SVOP: variants seen among roughly 807,000 people sequenced by gnomAD.
SVOP encodes the protein SV2 related protein.
A neutral mutation model predicts 69.1 loss-of-function variants in SVOP; 17 were observed. The observed-to-expected ratio is 0.25, with a 90% CI of 0.17 to 0.37. SVOP has a LOEUF of 0.37. Among genes scored for constraint, SVOP ranks in the 10% least tolerant of loss-of-function variants. SVOP has a pLI of 1.00. For missense variants in SVOP, 435 were observed against 597.5 expected, an observed-to-expected ratio of 0.73 and a Z score of 2.84; for synonymous variants, 238 against 238.6, an observed-to-expected ratio of 1.00 and a Z score of 0.02.
intron 4 of SVOP, 81 bp from the exon 5 acceptor site, chr12:108,972,557 C>T (rs761054749): frequency 4.3e-5 from 59 of 1,378,356 alleles, no homozygotes; most frequent in African/African-American, 7.2e-5. Context: ...GAAGTGGTGA[C>T]GTCACCCTCT....
intron 1 of SVOP, among the ~76,000 whole-genome samples, chr12:109,002,567 A>G (rs1231098395): frequency 6.7e-6 from 1 of 149,486 alleles, no homozygotes; most frequent in Non-Finnish European, 1.5e-5. Context: ...CCAAATGTCC[A>G]ACAATGATAG....
At chr12:108,988,854 C>G (rs1020722021) in intron 1 of SVOP, among the ~76,000 whole-genome samples, 3 of 148,392 alleles carry the variant, frequency 2.0e-5, no homozygotes, top group African/African-American at 7.4e-5. Context: ...GTAACTGCAG[C>G]CTCCGCTTCC....
intron 6 of SVOP, among the ~76,000 whole-genome samples, chr12:108,949,914 C>T (rs2039945113): frequency 6.6e-6 from 1 of 152,212 alleles, no homozygotes; most frequent in African/African-American, 2.4e-5. Context: ...GTAGCCCTCA[C>T]TGGACAGTTC....
At chr12:109,002,978 AAAATAAAT>A (rs10538026) in intron 1 of SVOP, among the ~76,000 whole-genome samples, 1 of 140,986 alleles carries the variant, frequency 7.1e-6, no homozygotes, top group African/African-American at 2.6e-5. Context: ...TAAAAAATTA[AAAATAAAT>A]AAATAAATAA....
intron 1 of SVOP, among the ~76,000 whole-genome samples, chr12:108,995,921 T>C (rs2135614352): frequency 6.6e-6 from 1 of 150,434 alleles, no homozygotes; most frequent in South Asian, 2.1e-4. Context: ...AAAATGTCAA[T>C]GGTAAATTTT....
intron 11 of SVOP, among the ~76,000 whole-genome samples, chr12:108,925,505 G>C (rs1172935931): frequency 6.6e-6 from 1 of 152,026 alleles, no homozygotes; most frequent in Non-Finnish European, 1.5e-5. Flanking sequence ...TCAGTCAAAG[G>C]GATACTTTTT....
chr12:108,948,665 C>T (rs2137412929), intron 6 of SVOP, among the ~76,000 whole-genome samples: 1 of 152,234 alleles, frequency 6.6e-6, no homozygotes, highest in African/African-American at 2.4e-5. Flanking sequence ...AGGACAGATC[C>T]CCCTAAGTAG....
chr12:108,919,640 G>A (rs2039736554), intron 13 of SVOP, 35 bp downstream of exon 13: 2 of 1,536,298 alleles, frequency 1.3e-6, no homozygotes, highest in African/African-American at 2.7e-5. Flanking sequence ...CTCCACCTGT[G>A]CTCAAACTCA....
chr12:108,933,952 C>T (rs1321609419), intron 11 of SVOP, among the ~76,000 whole-genome samples: 4 of 152,150 alleles, frequency 2.6e-5, no homozygotes, highest in Non-Finnish European at 5.9e-5. Context: ...CTTTAATGTG[C>T]CTTGGTTTAT....
chr12:108,945,434 GT>G lies in SVOP; in HGVS notation c.579-269del, dbSNP rs2039916869. Among the ~76,000 whole-genome samples the G allele has an allele frequency of 3.9e-5, 6 of 152,174 alleles. No individual in the cohort carries two copies. The South Asian group carries it at 1.2e-3, about 32-fold the overall frequency. ...TTTATTTATTTATGAGTCTCAGTCT[GT>G]CACCCAGGCTGAAGTGCAATCATAG... On this transcript the variant is annotated intron_variant, in intron 6 of 15. Transcript: ENST00000610966.
intron 15 of SVOP, among the ~76,000 whole-genome samples, chr12:108,915,349 C>G (rs1342804490): frequency 6.6e-6 from 1 of 152,046 alleles, no homozygotes; most frequent in Admixed American, 6.5e-5. Flanking sequence ...CCTTCCTTCC[C>G]AGTCGAGTGG....
chr12:108,960,879 G>A (rs1381411839), intron 6 of SVOP, 44 bp downstream of exon 6: 2 of 1,530,956 alleles, frequency 1.3e-6, no homozygotes, highest in Non-Finnish European at 1.7e-6. Context: ...CAGACACGTG[G>A]ATGGGCAGCC....
At chr12:108,990,230 G>A (rs1479493552) in intron 1 of SVOP, among the ~76,000 whole-genome samples, 1 of 152,174 alleles carries the variant, frequency 6.6e-6, no homozygotes, top group South Asian at 2.1e-4. Flanking sequence ...TCTGGAGCAG[G>A]AATCAAAAGG....
In SVOP at chr12:108,963,637, C is replaced by T. The variant is rs549256029; in HGVS notation, c.454-2590G>A. Among the ~76,000 whole-genome samples, 5 of 152,252 alleles carry T rather than the reference C, an allele frequency of 3.3e-5. No individual in the cohort carries two copies. In the South Asian group the frequency reaches 1.0e-3, roughly 32 times the overall value. On this transcript the variant is annotated intron_variant, in intron 5 of 15. Coordinates refer to ENST00000610966, the MANE Select transcript of SVOP (RefSeq NM_018711.5). ...GAGTAGCTGGTATTACAGGTTTGCA[C>T]CACCATGGCCAGCTAATTTTTGTAC...
chr12:108,960,041 G>C (rs1369484752), intron 6 of SVOP, among the ~76,000 whole-genome samples: 1 of 152,182 alleles, frequency 6.6e-6, no homozygotes, highest in South Asian at 2.1e-4. Flanking sequence ...AAACCGTTTA[G>C]AACAGCACCT....
intron 11 of SVOP, among the ~76,000 whole-genome samples, chr12:108,929,284 T>C (rs893161947): frequency 7.2e-5 from 11 of 152,108 alleles, no homozygotes; most frequent in Non-Finnish European, 1.6e-4. Context: ...AATAGTCCTT[T>C]TTAAATATTT....
chr12:108,915,678 C>T (rs528953612), intron 15 of SVOP, 105 bp downstream of exon 15: 157 of 1,192,186 alleles, frequency 1.3e-4, no homozygotes, highest in Middle Eastern at 3.9e-4. Flanking sequence ...ATAAAATGAG[C>T]GAATGCAACC....
At chr12:108,938,664 C>T (rs1047412704) in intron 9 of SVOP, among the ~76,000 whole-genome samples, 163 bp downstream of exon 9, 1 of 152,208 alleles carries the variant, frequency 6.6e-6, no homozygotes, top group Non-Finnish European at 1.5e-5. Flanking sequence ...CCTTGCAGGT[C>T]CTGTCTACTG....
chr12:108,997,882 G>C (rs1343839262), intron 1 of SVOP, among the ~76,000 whole-genome samples: 6 of 150,224 alleles, frequency 4.0e-5, no homozygotes, highest in African/African-American at 1.5e-4. Flanking sequence ...AGAAAAACTG[G>C]AAACTCTAAA....
Sources: gnomAD v4.1 joint callset for allele counts (sites outside exome capture counted in the v4.1 genomes callset) on GRCh38, gnomAD v4.1.1 for gene constraint, MANE v1.5 for transcripts, NCBI Gene and HGNC (gene_info 2026-07-23, HGNC 2026-07-21) for gene names.